Variants in MTHFD1L observed in about 807,000 individuals in gnomAD.
The protein encoded by MTHFD1L is monofunctional C1-tetrahydrofolate synthase, mitochondrial.
MTHFD1L carries 81 observed loss-of-function variants against 119.5 expected under a neutral mutation model. That is an observed-to-expected ratio of 0.68 (90% confidence interval 0.57 to 0.82). MTHFD1L has a LOEUF of 0.82. Among genes scored for constraint, MTHFD1L ranks in the 40% least tolerant of loss-of-function variants. The pLI is 0.00. For synonymous variants in MTHFD1L, 430 were observed against 475.2 expected (o/e 0.90, Z 1.24); for missense variants, 1,125 against 1,253.4 (o/e 0.90, Z 1.55).
chr6:151,025,438 G>A lies in MTHFD1L; in HGVS notation c.2587-9055G>A, dbSNP rs933451056. Among the ~76,000 whole-genome samples, 13 of 152,312 alleles carry A rather than the reference G, an allele frequency of 8.5e-5. No homozygotes were observed. The East Asian group carries it at 9.6e-4, about 11-fold the overall frequency. On this transcript the variant is annotated intron_variant, in intron 24 of 27. Coordinates refer to ENST00000367321, the MANE Select transcript of MTHFD1L (RefSeq NM_015440.5). Reference sequence around the variant, plus strand: ...GGTGTGGTCAGTATAAATTAATATCGACAGCTTCATGTTGTACTTTAATTT... The same window carrying A: ...GGTGTGGTCAGTATAAATTAATATCAACAGCTTCATGTTGTACTTTAATTT...
At chr6:150,870,980 T>G (rs1779341574) in intron 1 of MTHFD1L, among the ~76,000 whole-genome samples, 1 of 144,498 alleles carries the variant, frequency 6.9e-6, no homozygotes, top group South Asian at 2.2e-4. Flanking sequence ...ATAAAATATA[T>G]ATAATATAAT....
intron 12 of MTHFD1L, 151 bp downstream of exon 12, chr6:150,937,091 T>C: frequency 4.1e-6 from 4 of 984,246 alleles, no homozygotes; most frequent in Non-Finnish European, 5.7e-6. Flanking sequence ...GGTCGCCCCA[T>C]GTTGGTTCCC....
chr6:150,925,477 C>T (rs1475868018), intron 10 of MTHFD1L, among the ~76,000 whole-genome samples: 2 of 152,170 alleles, frequency 1.3e-5, no homozygotes, highest in East Asian at 3.9e-4. Flanking sequence ...TGCCCAATGA[C>T]TCTCTGGAGT....
chr6:150,999,045 A>G (rs1377376747), intron 20 of MTHFD1L, among the ~76,000 whole-genome samples: 2 of 151,280 alleles, frequency 1.3e-5, no homozygotes, highest in African/African-American at 2.4e-5. Flanking sequence ...TAAGGAGTAT[A>G]TGAAATATAA....
At chr6:150,975,782 G>A (rs1157064301) in intron 20 of MTHFD1L, among the ~76,000 whole-genome samples, 1 of 152,168 alleles carries the variant, frequency 6.6e-6, no homozygotes, top group East Asian at 1.9e-4. Flanking sequence ...TCTACCAGCA[G>A]ACGTCCTCAC....
chr6:151,043,054 A>G (rs546434535), intron 26 of MTHFD1L, among the ~76,000 whole-genome samples: 87 of 152,136 alleles, frequency 5.7e-4, no homozygotes, highest in Non-Finnish European at 1.1e-3. Flanking sequence ...GACAGCAAAG[A>G]AAGGCCATAA....
intron 21 of MTHFD1L, 91 bp from the exon 22 acceptor site, chr6:151,013,688 A>C (rs571713892): frequency 8.3e-7 from 1 of 1,205,522 alleles, no homozygotes; most frequent in East Asian, 2.4e-5. Context: ...CATTTCTAAA[A>C]ATTGAATGTG....
intron 18 of MTHFD1L, among the ~76,000 whole-genome samples, chr6:150,961,638 A>C (rs1412081136): frequency 6.6e-6 from 1 of 152,240 alleles, no homozygotes; most frequent in African/African-American, 2.4e-5. Context: ...TTAGGGTATA[A>C]TTTGAATTCT....
At chr6:151,100,229 GGT>G (rs1554304049) in intron 27 of MTHFD1L, among the ~76,000 whole-genome samples, 1 of 151,878 alleles carries the variant, frequency 6.6e-6, no homozygotes, top group Non-Finnish European at 1.5e-5. Context: ...ATAGACACGG[GGT>G]TTCACCGTGT....
chr6:151,094,853 T>C (rs1277564877), intron 27 of MTHFD1L, among the ~76,000 whole-genome samples: 1 of 151,980 alleles, frequency 6.6e-6, no homozygotes, highest in Admixed American at 6.6e-5. Flanking sequence ...CTAATTTTTG[T>C]ATTTTAATAG....
At chr6:151,049,750 C>G (rs1245817738) in intron 26 of MTHFD1L, among the ~76,000 whole-genome samples, 2 of 151,960 alleles carry the variant, frequency 1.3e-5, no homozygotes, top group African/African-American at 4.8e-5. Context: ...GAGAGAAACA[C>G]TTATTTACAG....
chr6:151,024,770 G>T (rs147569794), intron 24 of MTHFD1L, among the ~76,000 whole-genome samples: 1 of 152,092 alleles, frequency 6.6e-6, no homozygotes, highest in Admixed American at 6.6e-5. Flanking sequence ...TGGAGGTTGC[G>T]GTGAGCCAAG....
intron 26 of MTHFD1L, among the ~76,000 whole-genome samples, chr6:151,074,419 G>C (rs114638454): frequency 9.9e-5 from 15 of 152,256 alleles, no homozygotes; most frequent in South Asian, 4.1e-4. Context: ...GTAGTATAGC[G>C]TTAAAAACAT....
chr6:151,048,092 C>G (rs1359205565), intron 26 of MTHFD1L, among the ~76,000 whole-genome samples: 2 of 152,132 alleles, frequency 1.3e-5, no homozygotes, highest in African/African-American at 4.8e-5. Context: ...ATCCAGTCAC[C>G]TCCCACCAGG....
chr6:150,926,395 A>G lies in MTHFD1L; in HGVS notation c.1256+100A>G, dbSNP rs1789993785. ...GTACCCCTCAATCCATCCTATTCTC[A>G]CATTTGACATTTCGTCCATTTCATT... On this transcript the variant is annotated intron_variant, in intron 11 of 27. Transcript: ENST00000367321. The surrounding 1 kb of genome is among the most constrained non-coding windows in gnomAD (Gnocchi z 4.3). The G allele has an allele frequency of 9.3e-7, 1 of 1,075,746 alleles. No individual in the cohort carries two copies. The highest frequency in any genetic ancestry group is 1.6e-5 in the African/African-American group (1 of 62,624). 66.6% of individuals were successfully genotyped at this position (1,075,746 alleles called of 1,614,324 possible).
chr6:150,997,111 C>G (rs1298811036), intron 20 of MTHFD1L, among the ~76,000 whole-genome samples: 4 of 152,208 alleles, frequency 2.6e-5, no homozygotes, highest in Admixed American at 6.5e-5. Flanking sequence ...TGTCCCAGCT[C>G]TGTCCCAGCT....
At chr6:151,002,514 G>T (rs1000407560) in intron 20 of MTHFD1L, among the ~76,000 whole-genome samples, 1 of 152,132 alleles carries the variant, frequency 6.6e-6, no homozygotes, top group Admixed American at 6.5e-5. Context: ...AGCTGCCGCC[G>T]CCCATGCTGC....
At position 150,871,941 on chromosome 6, in the gene MTHFD1L, G is replaced by A. The variant is rs540202534; in HGVS notation, c.228-4149G>A. 1.8e-3 allele frequency among the ~76,000 whole-genome samples: 275 copies of A among 151,066 alleles called. 4 individuals carry two copies. Among genetic ancestry groups the A allele is most frequent in the African/African-American group, 6.5e-3 (264 of 40,806 alleles). Reference sequence around the variant, plus strand: ...CACCCAGGCTGGAGTGCAGTGGCGCGATCTCTGCTCACTGCAACCTCTGCC... The same window carrying A: ...CACCCAGGCTGGAGTGCAGTGGCGCAATCTCTGCTCACTGCAACCTCTGCC... On this transcript the variant is annotated intron_variant, in intron 1 of 27. Transcript: ENST00000367321.
intron 26 of MTHFD1L, among the ~76,000 whole-genome samples, chr6:151,080,004 G>A (rs150973543): frequency 0.011 from 1,665 of 150,672 alleles, 23 homozygotes; most frequent in African/African-American, 0.037. Context: ...GTGAAACCCC[G>A]TCTCTACTTA....
Sources: allele counts gnomAD v4.1 joint callset (sites outside exome capture counted in the v4.1 genomes callset), GRCh38; gene constraint gnomAD v4.1.1; non-coding constraint Gnocchi (gnomAD v3.1); transcripts MANE v1.5; gene names NCBI Gene and HGNC (gene_info 2026-07-23, HGNC 2026-07-21).